The following ABL2 variants were observed in gnomAD, a reference collection of about 807,000 sequenced individuals.
The protein encoded by ABL2 is tyrosine-protein kinase ABL2.
A neutral mutation model predicts 107.7 loss-of-function variants in ABL2; 49 were observed. The observed-to-expected ratio is 0.45, with a 90% CI of 0.36 to 0.58. ABL2 has a LOEUF of 0.58. Ranked by LOEUF, ABL2 falls within the 20% of genes least tolerant of loss-of-function variation. ABL2 has a pLI of 0.00. For synonymous variants in ABL2, 549 were observed against 548.6 expected (o/e 1.00, Z -0.01); for missense variants, 1,245 against 1,457.0 (o/e 0.85, Z 2.37).
intron 1 of ABL2, among the ~76,000 whole-genome samples, chr1:179,134,274 C>T (rs1174052123): frequency 6.6e-6 from 1 of 152,184 alleles, no homozygotes; most frequent in Non-Finnish European, 1.5e-5. Flanking sequence ...CAGCCAGGCA[C>T]GGTGGCTCAG....
intron 1 of ABL2, among the ~76,000 whole-genome samples, chr1:179,187,835 C>A (rs914354914): frequency 6.7e-6 from 1 of 149,132 alleles, no homozygotes; most frequent in Admixed American, 6.7e-5. Context: ...TCTGCTTTCA[C>A]CCTTGTCCCC....
intron 1 of ABL2, among the ~76,000 whole-genome samples, chr1:179,222,669 A>G (rs1662939394): frequency 6.6e-6 from 1 of 152,072 alleles, no homozygotes. Context: ...GATTACCAGC[A>G]TGAGCCACCG....
chr1:179,100,785 T>C lies in ABL2; in HGVS notation c.*6933A>G, dbSNP rs1653028823. The C allele has an allele frequency of 4.3e-6, 1 of 231,838 alleles. No homozygotes were observed. Among genetic ancestry groups the C allele is most frequent in the Non-Finnish European group, 8.5e-6 (1 of 117,224 alleles). 14.4% of individuals were successfully genotyped at this position (231,838 alleles called of 1,614,324 possible). On this transcript the variant is annotated 3_prime_UTR_variant, in exon 12 of 12. Transcript: ENST00000502732. ...ATGTATCACAATTCTGCTCCAAATA[T>C]GGTGTGGTCTGAGGACAGTGCTGTG...
At chr1:179,120,548 C>G (rs1420242405) in intron 5 of ABL2, among the ~76,000 whole-genome samples, 1 of 152,110 alleles carries the variant, frequency 6.6e-6, no homozygotes, top group Non-Finnish European at 1.5e-5. Context: ...GCTCAGCCTC[C>G]CAAGTAGCTG....
chr1:179,226,916 G>C (rs574982348), intron 1 of ABL2, among the ~76,000 whole-genome samples: 2 of 152,166 alleles, frequency 1.3e-5, no homozygotes, highest in South Asian at 4.2e-4. Flanking sequence ...AAGTTCCAAA[G>C]GGCAGGGACT....
At chr1:179,205,839 T>C (rs1201801789) in intron 1 of ABL2, among the ~76,000 whole-genome samples, 2 of 152,106 alleles carry the variant, frequency 1.3e-5, no homozygotes, top group Non-Finnish European at 2.9e-5. Flanking sequence ...AGGAATATTC[T>C]GAAAAAATAA....
chr1:179,110,980 C>CTTTT (rs376797144), intron 10 of ABL2: 8 of 600,900 alleles, frequency 1.3e-5, no homozygotes, highest in Non-Finnish European at 1.5e-5. Flanking sequence ...TTATTTTTGG[C>CTTTT]TTTTTTTTTT....
intron 1 of ABL2, among the ~76,000 whole-genome samples, chr1:179,180,212 T>C (rs2102795961): frequency 6.6e-6 from 1 of 152,236 alleles, no homozygotes; most frequent in East Asian, 1.9e-4. Flanking sequence ...TGTACTTTAG[T>C]ATGGCTACAG....
intron 1 of ABL2, among the ~76,000 whole-genome samples, chr1:179,135,939 C>T (rs1656899817): frequency 7.2e-6 from 1 of 139,658 alleles, no homozygotes; most frequent in Non-Finnish European, 1.6e-5. Flanking sequence ...GGCCAGCCGC[C>T]CCGTCCAGGA....
intron 1 of ABL2, among the ~76,000 whole-genome samples, chr1:179,205,263 G>A (rs1350757417): frequency 3.3e-5 from 5 of 152,074 alleles, no homozygotes; most frequent in Admixed American, 1.3e-4. Flanking sequence ...TTGACCTCGT[G>A]ATCTGCCCAC....
At chr1:179,168,446 C>T (rs1309981525) in intron 1 of ABL2, among the ~76,000 whole-genome samples, 1 of 151,696 alleles carries the variant, frequency 6.6e-6, no homozygotes, top group African/African-American at 2.4e-5. Context: ...TCAATCTGTG[C>T]TTGGCTGAAT....
At chr1:179,131,874 A>G (rs1054428291) in intron 2 of ABL2, among the ~76,000 whole-genome samples, 1 of 152,254 alleles carries the variant, frequency 6.6e-6, no homozygotes, top group African/African-American at 2.4e-5. Context: ...GTTTTAAGGA[A>G]GAAATGATTG....
At position 179,099,383 on chromosome 1, in the gene ABL2, C is replaced by T. The variant is rs1258102085; in HGVS notation, c.*8335G>A. 4.8e-6 allele frequency: 1 copy of T among 206,590 alleles called. No individual in the cohort carries two copies. Among genetic ancestry groups the T allele is most frequent in the African/African-American group, 2.3e-5 (1 of 43,846 alleles). 12.8% of individuals were successfully genotyped at this position (206,590 alleles called of 1,614,324 possible). A position where few individuals can be genotyped will look rare whatever the true frequency, so the allele number is the denominator to read the frequency against. On this transcript the variant is annotated 3_prime_UTR_variant, in exon 12 of 12. Transcript: ENST00000502732. ...TTAAAACAGAACACAACTTGGCAAA[C>T]CTTGTGAGAAGACAGAGAAAGCAGT...
At chr1:179,110,991 T>C in intron 10 of ABL2, 1 of 1,209,122 alleles carries the variant, frequency 8.3e-7, no homozygotes, top group Non-Finnish European at 1.2e-6. Context: ...TTTTTTTTTT[T>C]TTTTTTTTTG....
intron 1 of ABL2, among the ~76,000 whole-genome samples, chr1:179,179,354 T>C (rs1275655414): frequency 1.3e-5 from 2 of 152,176 alleles, no homozygotes; most frequent in African/African-American, 4.8e-5. Flanking sequence ...CTAAGCAATT[T>C]TGACCTTGAA....
intron 4 of ABL2, among the ~76,000 whole-genome samples, chr1:179,122,764 C>T (rs1406454154): frequency 1.3e-5 from 2 of 152,086 alleles, no homozygotes; most frequent in Non-Finnish European, 2.9e-5. Flanking sequence ...AGTGATTCTC[C>T]TGCCTCAGCC....
rs1267276622 is a variant in ABL2 at position 179,099,523 on chromosome 1, CA to C, written c.*8194del. The stretch of plus-strand genomic sequence containing the variant: ...AACAACTGAAAATATATTACAATAA[CA>C]ATTAAGAACAAATACCTGACAACAC... On this transcript the variant is annotated 3_prime_UTR_variant, in exon 12 of 12. Coordinates refer to ENST00000502732, the MANE Select transcript of ABL2 (RefSeq NM_007314.4). 3 of 224,460 alleles carry C rather than the reference CA, an allele frequency of 1.3e-5. No homozygotes were observed. The East Asian group carries it at 1.9e-4, about 14-fold the overall frequency. The allele number at this position is 224,460 out of a possible 1,614,324, so 13.9% of individuals were successfully genotyped here.
intron 1 of ABL2, among the ~76,000 whole-genome samples, chr1:179,158,215 A>G (rs1658826353): frequency 6.6e-6 from 1 of 152,220 alleles, no homozygotes; most frequent in African/African-American, 2.4e-5. Flanking sequence ...CTAACTCCAC[A>G]ACAGGAAAAA....
intron 1 of ABL2, among the ~76,000 whole-genome samples, chr1:179,200,145 C>T (rs1661581938): frequency 1.3e-5 from 2 of 148,284 alleles, no homozygotes. Flanking sequence ...CTCCCAGGTT[C>T]AAGAGATTCT....
Sources: gnomAD v4.1 joint callset for allele counts (sites outside exome capture counted in the v4.1 genomes callset) on GRCh38, gnomAD v4.1.1 for gene constraint, MANE v1.5 for transcripts, NCBI Gene and HGNC (gene_info 2026-07-23, HGNC 2026-07-21) for gene names.